Variants in ZMAT4 observed in about 807,000 individuals in gnomAD.
ZMAT4 encodes zinc finger matrin-type protein 4.
In ZMAT4, 17 loss-of-function variants were observed where a neutral mutation model predicts 28.7. The observed-to-expected ratio is 0.59, with a 90% CI of 0.41 to 0.89. The LOEUF is 0.89. Ranked by LOEUF, ZMAT4 falls within the 40% of genes least tolerant of loss-of-function variation. The probability of loss-of-function intolerance (pLI) is 0.00; values close to 1 mark genes in which losing one functional copy is unlikely to be tolerated. For missense variants in ZMAT4, 240 were observed against 283.8 expected (o/e 0.85, Z 1.11); for synonymous variants, 117 against 109.2 (o/e 1.07, Z -0.44).
At chr8:40,689,464 T>C (rs1380714209) in intron 4 of ZMAT4, among the ~76,000 whole-genome samples, 1 of 152,236 alleles carries the variant, frequency 6.6e-6, no homozygotes, top group Admixed American at 6.5e-5. Context: ...TTTGCACCTA[T>C]TGCATCTGAT....
At chr8:40,797,987 A>T (rs923036571) in intron 2 of ZMAT4, among the ~76,000 whole-genome samples, 3 of 152,198 alleles carry the variant, frequency 2.0e-5, no homozygotes, top group African/African-American at 4.8e-5. Context: ...AGGCAGTATC[A>T]GGTGTCCATG....
chr8:40,567,727 A>G (rs1473039728), intron 6 of ZMAT4, among the ~76,000 whole-genome samples: 1 of 151,998 alleles, frequency 6.6e-6, no homozygotes, highest in Non-Finnish European at 1.5e-5. Context: ...AAGAACAAAA[A>G]AAAACCCCAA....
chr8:40,720,651 C>T (rs1157531113), intron 3 of ZMAT4, among the ~76,000 whole-genome samples: 1 of 151,796 alleles, frequency 6.6e-6, no homozygotes, highest in Non-Finnish European at 1.5e-5. Context: ...CCTCAGCCTC[C>T]CAAGTAGCTA....
At chr8:40,607,831 G>A (rs772643359) in intron 5 of ZMAT4, among the ~76,000 whole-genome samples, 1 of 152,044 alleles carries the variant, frequency 6.6e-6, no homozygotes, top group Non-Finnish European at 1.5e-5. Context: ...AGAGCTACTG[G>A]GCTCTGGGCT....
chr8:40,630,790 A>G (rs1197894678), intron 5 of ZMAT4, among the ~76,000 whole-genome samples: 2 of 152,190 alleles, frequency 1.3e-5, no homozygotes, highest in African/African-American at 2.4e-5. Context: ...TTGCGTAGCC[A>G]TTATAGGGTG....
intron 2 of ZMAT4, among the ~76,000 whole-genome samples, chr8:40,769,387 T>C (rs1476766393): frequency 6.6e-6 from 1 of 152,220 alleles, no homozygotes; most frequent in Non-Finnish European, 1.5e-5. Flanking sequence ...AATGCAGGCT[T>C]ATATTTTTCT....
intron 5 of ZMAT4, among the ~76,000 whole-genome samples, chr8:40,633,958 GC>G (rs1175962910): frequency 6.6e-6 from 1 of 152,170 alleles, no homozygotes; most frequent in Non-Finnish European, 1.5e-5. Context: ...CAACCAGGCA[GC>G]TGAGTGACAT....
At chr8:40,625,830 G>A (rs1053415939) in intron 5 of ZMAT4, among the ~76,000 whole-genome samples, 9 of 18,256 alleles carry the variant, frequency 4.9e-4, no homozygotes, top group African/African-American at 8.2e-4. Context: ...AGACTGGGGG[G>A]CTGGGCGCGG....
chr8:40,805,794 T>TG (rs1254227142), intron 2 of ZMAT4, among the ~76,000 whole-genome samples: 1 of 64,512 alleles, frequency 1.6e-5, no homozygotes. Flanking sequence ...TGTTGTGGGG[T>TG]GGGGGGAGGG....
At chr8:40,595,239 T>A (rs138216315) in intron 5 of ZMAT4, among the ~76,000 whole-genome samples, 207 of 152,294 alleles carry the variant, frequency 1.4e-3, no homozygotes, top group African/African-American at 4.5e-3. Context: ...AGGCAGTGGC[T>A]TTGGGGAGAG....
At chr8:40,601,473 G>GAAAGAAAGAAA (rs1805320720) in intron 5 of ZMAT4, among the ~76,000 whole-genome samples, 2 of 76,988 alleles carry the variant, frequency 2.6e-5, no homozygotes, top group Admixed American at 1.7e-4. Context: ...AGAAAGGAAA[G>GAAAGAAAGAAA]AAAGAAAGAA....
intron 1 of ZMAT4, among the ~76,000 whole-genome samples, chr8:40,869,013 T>C (rs1453645944): frequency 6.6e-6 from 1 of 152,248 alleles, no homozygotes; most frequent in Non-Finnish European, 1.5e-5. Context: ...TCTCTACCTG[T>C]CCAACCCTGT....
At chr8:40,743,681 G>A (rs1057190711) in intron 3 of ZMAT4, among the ~76,000 whole-genome samples, 1 of 152,176 alleles carries the variant, frequency 6.6e-6, no homozygotes, top group African/African-American at 2.4e-5. Flanking sequence ...CACATACACC[G>A]CAAAACAGAA....
intron 3 of ZMAT4, among the ~76,000 whole-genome samples, chr8:40,757,580 C>T (rs1262212102): frequency 6.9e-6 from 1 of 144,398 alleles, no homozygotes; most frequent in South Asian, 2.2e-4. Flanking sequence ...AGCAAGACCC[C>T]ATCTCAAAAA....
chr8:40,580,350 G>A (rs948892325), intron 6 of ZMAT4, among the ~76,000 whole-genome samples: 3 of 152,054 alleles, frequency 2.0e-5, no homozygotes, highest in Non-Finnish European at 4.4e-5. Context: ...CTTGGAGTAT[G>A]AGACATAGTG....
intron 5 of ZMAT4, among the ~76,000 whole-genome samples, chr8:40,653,943 G>A (rs921338140): frequency 7.2e-5 from 11 of 152,096 alleles, no homozygotes; most frequent in African/African-American, 2.7e-4. Context: ...GCCAAAGATG[G>A]CCCCTGTATG....
At chr8:40,771,516 G>A (rs1272634389) in intron 2 of ZMAT4, among the ~76,000 whole-genome samples, 3 of 152,076 alleles carry the variant, frequency 2.0e-5, no homozygotes, top group African/African-American at 7.2e-5. Context: ...TTAGTAAAAA[G>A]CATCACTGAT....
At chr8:40,743,624 T>C (rs1460696415) in intron 3 of ZMAT4, among the ~76,000 whole-genome samples, 1 of 152,176 alleles carries the variant, frequency 6.6e-6, no homozygotes, top group African/African-American at 2.4e-5. Flanking sequence ...ATCCCATTGG[T>C]CCTGGCTCCT....
chr8:40,573,463 C>T (rs1804163067), intron 6 of ZMAT4, among the ~76,000 whole-genome samples: 2 of 152,194 alleles, frequency 1.3e-5, no homozygotes, highest in South Asian at 4.2e-4. Flanking sequence ...TCTGTGTATC[C>T]AAATCTCCCT....
Sources: allele counts gnomAD v4.1 joint callset (sites outside exome capture counted in the v4.1 genomes callset), GRCh38; gene constraint gnomAD v4.1.1; transcripts MANE v1.5; gene names NCBI Gene and HGNC (gene_info 2026-07-23, HGNC 2026-07-21).